GCSAML: variants seen among roughly 807,000 people sequenced by gnomAD.
The protein encoded by GCSAML is germinal center associated signaling and motility like, also known as germinal center-associated signaling and motility-like protein.
GCSAML carries 9 observed loss-of-function variants against 13.0 expected under a neutral mutation model. The ratio of observed to expected loss-of-function variants is 0.69; its 90% CI spans 0.42 to 1.21. The LOEUF (loss-of-function observed/expected upper bound fraction) is 1.21, where lower values mean the gene tolerates loss of function less well. Ranked by LOEUF, GCSAML falls within the 50% of genes most tolerant of loss-of-function variation. The probability of loss-of-function intolerance (pLI) is 0.00; values close to 1 mark genes in which losing one functional copy is unlikely to be tolerated. For missense variants in GCSAML, 143 were observed against 153.4 expected (o/e 0.93, Z 0.36); for synonymous variants, 37 against 52.9 (o/e 0.70, Z 1.31).
chr1:247,513,270 C>G (rs1161989566), intron 1 of GCSAML, among the ~76,000 whole-genome samples: 1 of 152,168 alleles, frequency 6.6e-6, no homozygotes, highest in Non-Finnish European at 1.5e-5. Flanking sequence ...GTGGTGGACT[C>G]AGACCAGTTC....
rs1330090822 is a variant in GCSAML at position 247,526,467 on chromosome 1, T to A, written c.-262-473T>A. Reference sequence around the variant, plus strand: ...GGCAAGGACAAAGAGGGTTTGGCCATGACCAAGGGTGACTGGTGCTCCATC... The same window carrying A: ...GGCAAGGACAAAGAGGGTTTGGCCAAGACCAAGGGTGACTGGTGCTCCATC... On this transcript the variant is annotated intron_variant, in intron 1 of 5. Transcript: ENST00000366489. The surrounding 1 kb of genome is among the most constrained non-coding windows in gnomAD (Gnocchi z 4.8). 2 of 157,450 alleles carry A rather than the reference T, an allele frequency of 1.3e-5. No individual in the cohort carries two copies. The highest frequency in any genetic ancestry group is 2.8e-5 in the Non-Finnish European group (2 of 71,524). 9.8% of individuals were successfully genotyped at this position (157,450 alleles called of 1,614,324 possible).
At chr1:247,539,141 C>T (rs755159671) in intron 2 of GCSAML, among the ~76,000 whole-genome samples, 59 of 152,176 alleles carry the variant, frequency 3.9e-4, no homozygotes, top group Non-Finnish European at 7.1e-4. Context: ...AATCAGTCTC[C>T]CTGAAAATGG....
chr1:247,557,131 C>G (rs1658563374), intron 2 of GCSAML, among the ~76,000 whole-genome samples: 1 of 152,172 alleles, frequency 6.6e-6, no homozygotes, highest in South Asian at 2.1e-4. Flanking sequence ...CCCTCATGCC[C>G]TTCTCTGAAA....
At position 247,526,458 on chromosome 1, in the gene GCSAML, G is replaced by A. The variant is rs1207134518; in HGVS notation, c.-262-482G>A. On this transcript the variant is annotated intron_variant, in intron 1 of 5. Transcript: ENST00000366489. This position sits in a 1 kb window ranked among gnomAD's most constrained non-coding sequence, Gnocchi z 4.8. ...GCAGGAAAGGGCAAGGACAAAGAGG[G>A]TTTGGCCATGACCAAGGGTGACTGG... 1 of 156,514 alleles carries A rather than the reference G, an allele frequency of 6.4e-6. No individual in the cohort carries two copies. Among genetic ancestry groups the A allele is most frequent in the African/African-American group, 2.4e-5 (1 of 41,468 alleles). The allele number at this position is 156,514 out of a possible 1,614,324, so 9.7% of individuals were successfully genotyped here.
chr1:247,570,844 A>G (rs994881618), intron 4 of GCSAML, among the ~76,000 whole-genome samples: 2 of 152,038 alleles, frequency 1.3e-5, no homozygotes, highest in African/African-American at 4.8e-5. Flanking sequence ...TTGGAGTCTG[A>G]GTCTCTTTTT....
intron 1 of GCSAML, among the ~76,000 whole-genome samples, chr1:247,550,346 G>T (rs1667724133): frequency 6.6e-6 from 1 of 152,116 alleles, no homozygotes; most frequent in Admixed American, 6.6e-5. Flanking sequence ...TTGTTAAAGA[G>T]CTTAAGGGTG....
intron 1 of GCSAML, chr1:247,524,910 A>G (rs1287957719): frequency 1.3e-5 from 2 of 152,224 alleles, no homozygotes; most frequent in African/African-American, 4.8e-5. Flanking sequence ...AGAAACACAA[A>G]TAGCCCCAAA....
chr1:247,550,444 TG>T (rs1401590203), intron 1 of GCSAML, among the ~76,000 whole-genome samples: 7 of 152,164 alleles, frequency 4.6e-5, no homozygotes, highest in Non-Finnish European at 8.8e-5. Context: ...GAGACCATTC[TG>T]GCTAACACGG....
intron 4 of GCSAML, among the ~76,000 whole-genome samples, chr1:247,566,329 A>G (rs1263277397): frequency 6.6e-6 from 1 of 151,972 alleles, no homozygotes; most frequent in African/African-American, 2.4e-5. Context: ...TGCAACCTCC[A>G]CCTCCTGGGT....
intron 2 of GCSAML, among the ~76,000 whole-genome samples, chr1:247,538,320 A>G (rs1172351635): frequency 2.0e-5 from 3 of 152,216 alleles, no homozygotes; most frequent in Non-Finnish European, 4.4e-5. Flanking sequence ...GTTAGCTAGT[A>G]TCTAGTCTAA....
At chr1:247,545,341 C>G (rs544785213), upstream of GCSAML, among the ~76,000 whole-genome samples, 1 of 152,296 alleles carries the variant, frequency 6.6e-6, no homozygotes, top group East Asian at 1.9e-4. Flanking sequence ...CAAATATGTA[C>G]AATTTTTTAT....
chr1:247,557,360 G>GA (rs1181469212), intron 2 of GCSAML, among the ~76,000 whole-genome samples: 1 of 151,570 alleles, frequency 6.6e-6, no homozygotes, highest in Non-Finnish European at 1.5e-5. Flanking sequence ...ATGGAAAAAA[G>GA]AAAAAAAATG....
At chr1:247,553,507 C>T (rs6701164) in intron 1 of GCSAML, among the ~76,000 whole-genome samples, 36,254 of 152,056 alleles carry the variant, frequency 0.24, 7,590 homozygotes, top group African/African-American at 0.56. Context: ...TTGTTTTCAT[C>T]AAGGTTGCTG....
chr1:247,519,841 G>C (rs1304674188), intron 1 of GCSAML, among the ~76,000 whole-genome samples: 1 of 152,196 alleles, frequency 6.6e-6, no homozygotes, highest in Admixed American at 6.5e-5. Context: ...ACATAGGGTC[G>C]TGTATGGGAA....
intron 2 of GCSAML, among the ~76,000 whole-genome samples, chr1:247,532,960 A>G (rs1667062808): frequency 6.6e-6 from 1 of 152,192 alleles, no homozygotes; most frequent in South Asian, 2.1e-4. Context: ...TATAGTAACA[A>G]CATCTATATG....
chr1:247,572,689 C>G (rs1036305909), intron 4 of GCSAML, among the ~76,000 whole-genome samples: 2 of 152,204 alleles, frequency 1.3e-5, no homozygotes, highest in African/African-American at 4.8e-5. Flanking sequence ...GGTCAGCGAC[C>G]CACTTGAGGA....
rs565108386 is a variant in GCSAML at position 247,540,102 on chromosome 1, C to T, written c.-147-8943C>T. Among the ~76,000 whole-genome samples the T allele has an allele frequency of 1.6e-4, 25 of 152,338 alleles. No homozygotes were observed. The South Asian group carries it at 4.6e-3, about 28-fold the overall frequency. On this transcript the variant is annotated intron_variant, in intron 2 of 5. Transcript: ENST00000366489. ...TCTCTCTCTTTTTGATACAGAGTCTCGCACTGTTGCCTGGGCTGAAGTGCA... is the reference window on the plus strand; with the variant it reads ...TCTCTCTCTTTTTGATACAGAGTCTTGCACTGTTGCCTGGGCTGAAGTGCA...
At chr1:247,563,546 T>C (rs1370940061) in intron 2 of GCSAML, 44 bp from the exon 3 acceptor site, 1 of 1,223,618 alleles carries the variant, frequency 8.2e-7, no homozygotes, top group East Asian at 2.4e-5. Context: ...TTTTCAGCTT[T>C]GGAGAACCTG....
intron 3 of GCSAML, among the ~76,000 whole-genome samples, chr1:247,565,194 C>T (rs969459054): frequency 6.6e-6 from 1 of 152,036 alleles, no homozygotes; most frequent in African/African-American, 2.4e-5. Flanking sequence ...CCCGTCTCTA[C>T]TAAAAATGCA....
Sources: allele counts gnomAD v4.1 joint callset (sites outside exome capture counted in the v4.1 genomes callset), GRCh38; gene constraint gnomAD v4.1.1; non-coding constraint Gnocchi (gnomAD v3.1); transcripts MANE v1.5; gene names NCBI Gene and HGNC (gene_info 2026-07-23, HGNC 2026-07-21).